The following SLC22A23 variants were observed in gnomAD, a reference collection of about 807,000 sequenced individuals.
SLC22A23 encodes the protein ion transporter protein.
SLC22A23 carries 26 observed loss-of-function variants against 61.0 expected under a neutral mutation model. The observed-to-expected ratio is 0.43, with a 90% CI of 0.31 to 0.59. The LOEUF is 0.59. SLC22A23 is among the 20% of genes least tolerant of loss of function. The pLI is 0.11. For missense variants in SLC22A23, 796 were observed against 934.7 expected, an observed-to-expected ratio of 0.85 and a Z score of 1.94; for synonymous variants, 430 against 413.9, an observed-to-expected ratio of 1.04 and a Z score of -0.47.
Position 3,308,154 on chromosome 6 carries a change from A to G in SLC22A23, c.1083-9936T>C, listed in dbSNP as rs1256012337. Among the ~76,000 whole-genome samples the G allele has an allele frequency of 1.3e-5, 2 of 152,208 alleles. No individual in the cohort carries two copies. Among genetic ancestry groups the G allele is most frequent in the Non-Finnish European group, 2.9e-5 (2 of 68,028 alleles). Reference sequence around the variant, plus strand: ...GTGGATGTGGTCACTGAGTTGTACAATTTAAAATGGTTACAGTGGAAAATT... The same window carrying G: ...GTGGATGTGGTCACTGAGTTGTACAGTTTAAAATGGTTACAGTGGAAAATT... On this transcript the variant is annotated intron_variant, in intron 4 of 9. Transcript: ENST00000406686. This position sits in a 1 kb window ranked among gnomAD's most constrained non-coding sequence, Gnocchi z 5.1.
intron 4 of SLC22A23, among the ~76,000 whole-genome samples, chr6:3,323,115 C>A (rs148934581): frequency 2.5e-3 from 384 of 152,178 alleles, no homozygotes; most frequent in African/African-American, 8.3e-3. Flanking sequence ...TTAGTGTTCC[C>A]CCCGTACTGC....
chr6:3,314,849 C>T (rs924177951), intron 4 of SLC22A23, among the ~76,000 whole-genome samples: 12 of 152,156 alleles, frequency 7.9e-5, no homozygotes, highest in South Asian at 2.1e-4. Flanking sequence ...TCACGTCCTC[C>T]GCGCTAGGGT....
intron 5 of SLC22A23, chr6:3,291,303 G>GCCTA (rs1194392185): frequency 2.0e-5 from 3 of 152,312 alleles, no homozygotes; most frequent in Admixed American, 1.3e-4. Flanking sequence ...CTGCCATCCA[G>GCCTA]CGGTAGGAGG....
Position 3,456,428 on chromosome 6 carries a change from G to A in SLC22A23, c.132C>T (p.Pro44=). ...GCGGCTGGATCTCCGCGCCGCCGCCGGGGCCCGCGCGTCCCCCGAGGGGCG... is the reference window on the plus strand; with the variant it reads ...GCGGCTGGATCTCCGCGCCGCCGCCAGGGCCCGCGCGTCCCCCGAGGGGCG... ...ASAPLGGRAG[P]GGGAEIQPLP... Residue 44 remains proline (P), a synonymous_variant, in exon 1 of 10, where the codon CCC becomes CCT. Coordinates refer to ENST00000406686, the MANE Select transcript of SLC22A23 (RefSeq NM_015482.2). The surrounding 1 kb of genome is among the most constrained non-coding windows in gnomAD (Gnocchi z 7.1). 7 of 1,332,212 alleles carry A rather than the reference G, an allele frequency of 5.3e-6. No individual in the cohort carries two copies. The highest frequency in any genetic ancestry group is 6.7e-6 in the Non-Finnish European group (7 of 1,044,202). 82.5% of individuals were successfully genotyped at this position (1,332,212 alleles called of 1,614,324 possible). A position where few individuals can be genotyped will look rare whatever the true frequency, so the allele number is the denominator to read the frequency against.
At chr6:3,407,306 A>C (rs1768907127) in intron 3 of SLC22A23, among the ~76,000 whole-genome samples, 1 of 152,222 alleles carries the variant, frequency 6.6e-6, no homozygotes, top group South Asian at 2.1e-4. Flanking sequence ...AAATGCTAGC[A>C]AGTACATTAA....
intron 3 of SLC22A23, among the ~76,000 whole-genome samples, chr6:3,405,248 G>A (rs139537924): frequency 0.015 from 2,328 of 151,232 alleles, 60 homozygotes; most frequent in African/African-American, 0.053. Flanking sequence ...GCGACAGTGC[G>A]AGACTGTCTC....
intron 3 of SLC22A23, among the ~76,000 whole-genome samples, chr6:3,365,115 T>C (rs554531470): frequency 1.3e-5 from 2 of 152,256 alleles, no homozygotes; most frequent in African/African-American, 4.8e-5. Context: ...GGTCAGGAGT[T>C]GGAGATCAAT....
intron 3 of SLC22A23, among the ~76,000 whole-genome samples, chr6:3,363,140 A>G (rs933936881): frequency 2.0e-5 from 3 of 152,218 alleles, no homozygotes; most frequent in African/African-American, 7.2e-5. Context: ...AGGCAGGGGC[A>G]TGTTTTTTGT....
At chr6:3,444,892 T>G in intron 1 of SLC22A23, 6 of 985,568 alleles carry the variant, frequency 6.1e-6, no homozygotes, top group Non-Finnish European at 7.2e-6. Context: ...AAATCGCCCT[T>G]CCAGGTGTGG....
chr6:3,337,463 T>C (rs1340619134), intron 3 of SLC22A23, among the ~76,000 whole-genome samples: 1 of 147,538 alleles, frequency 6.8e-6, no homozygotes, highest in African/African-American at 2.6e-5. Context: ...TTTTTTTTTT[T>C]AAATCCTGCC....
chr6:3,421,163 TA>T (rs1451413545), intron 1 of SLC22A23, among the ~76,000 whole-genome samples: 2 of 151,980 alleles, frequency 1.3e-5, no homozygotes, highest in Non-Finnish European at 2.9e-5. Flanking sequence ...AAGAAAATTT[TA>T]AAAAAATTTC....
At chr6:3,412,836 A>C (rs1386711357) in intron 2 of SLC22A23, among the ~76,000 whole-genome samples, 1 of 152,170 alleles carries the variant, frequency 6.6e-6, no homozygotes, top group Admixed American at 6.5e-5. Context: ...CTGGCTCTGA[A>C]GACGGAGGAT....
intron 1 of SLC22A23, among the ~76,000 whole-genome samples, chr6:3,447,326 C>T (rs1411906122): frequency 6.6e-6 from 1 of 152,184 alleles, no homozygotes; most frequent in African/African-American, 2.4e-5. Flanking sequence ...CTTACATAGA[C>T]CAGTCTGTCT....
chr6:3,405,322 GT>G (rs1010542191), intron 3 of SLC22A23, among the ~76,000 whole-genome samples: 1 of 152,076 alleles, frequency 6.6e-6, no homozygotes, highest in African/African-American at 2.4e-5. Context: ...CATTTCCTTG[GT>G]GGAAATAGCC....
intron 3 of SLC22A23, among the ~76,000 whole-genome samples, chr6:3,346,176 T>C (rs1764425158): frequency 6.6e-6 from 1 of 152,184 alleles, no homozygotes; most frequent in African/African-American, 2.4e-5. Context: ...AGACTCTCTT[T>C]GAATGTGCAC....
At chr6:3,380,594 A>C (rs1055758650) in intron 3 of SLC22A23, among the ~76,000 whole-genome samples, 2 of 152,152 alleles carry the variant, frequency 1.3e-5, no homozygotes, top group African/African-American at 4.8e-5. Context: ...CTATACACCC[A>C]AAGTCAACAC....
intron 4 of SLC22A23, among the ~76,000 whole-genome samples, chr6:3,314,044 A>C (rs773249268): frequency 6.6e-6 from 1 of 152,248 alleles, no homozygotes; most frequent in Non-Finnish European, 1.5e-5. Flanking sequence ...AAAATTCTTA[A>C]ATGGTCTTTT....
chr6:3,432,568 G>T (rs942238574), intron 1 of SLC22A23, among the ~76,000 whole-genome samples: 1 of 152,062 alleles, frequency 6.6e-6, no homozygotes, highest in African/African-American at 2.4e-5. Flanking sequence ...AACATTTGGG[G>T]GCTTCAAATT....
intron 3 of SLC22A23, among the ~76,000 whole-genome samples, chr6:3,395,162 T>G (rs182858575): frequency 2.6e-5 from 4 of 152,328 alleles, no homozygotes; most frequent in Non-Finnish European, 5.9e-5. Flanking sequence ...AGTCTTATAT[T>G]AATACAAGGG....
Sources: allele counts gnomAD v4.1 joint callset (sites outside exome capture counted in the v4.1 genomes callset), GRCh38; gene constraint gnomAD v4.1.1; non-coding constraint Gnocchi (gnomAD v3.1); transcripts MANE v1.5; gene names NCBI Gene and HGNC (gene_info 2026-07-23, HGNC 2026-07-21).